The following APP variants were observed in gnomAD, a reference collection of about 807,000 sequenced individuals.
APP encodes the protein amyloid-beta precursor protein.
Under a neutral mutation model 101.4 loss-of-function variants are expected in APP, and 31 were observed. The ratio of observed to expected loss-of-function variants is 0.31; its 90% CI spans 0.23 to 0.41. The LOEUF (loss-of-function observed/expected upper bound fraction) is 0.41. APP is among the 10% of genes least tolerant of loss of function. The pLI is 1.00. For synonymous variants in APP, 366 were observed against 364.4 expected (o/e 1.00, Z -0.05); for missense variants, 839 against 1,003.7 (o/e 0.84, Z 2.22).
intron 13 of APP, among the ~76,000 whole-genome samples, chr21:25,942,888 T>C (rs2040637280): frequency 6.6e-6 from 1 of 152,242 alleles, no homozygotes; most frequent in African/African-American, 2.4e-5. Context: ...CGGCCATCCA[T>C]CTTCCCCACT....
At chr21:26,040,254 T>C (rs1217305148) in intron 5 of APP, among the ~76,000 whole-genome samples, 2 of 152,174 alleles carry the variant, frequency 1.3e-5, no homozygotes, top group Admixed American at 1.3e-4. Flanking sequence ...AGATTTTGGA[T>C]TAGGGATGCT....
intron 5 of APP, among the ~76,000 whole-genome samples, chr21:26,044,129 G>C (rs2045499983): frequency 6.6e-6 from 1 of 152,150 alleles, no homozygotes; most frequent in Non-Finnish European, 1.5e-5. Context: ...TGTTCCCAAA[G>C]TACTGCATCA....
intron 13 of APP, among the ~76,000 whole-genome samples, chr21:25,935,652 C>A (rs1300689326): frequency 6.6e-6 from 1 of 151,970 alleles, no homozygotes; most frequent in Non-Finnish European, 1.5e-5. Flanking sequence ...CCAGCCCGAT[C>A]AACATACTGA....
At chr21:26,107,436 G>C (rs1024743162) in intron 2 of APP, among the ~76,000 whole-genome samples, 2 of 152,160 alleles carry the variant, frequency 1.3e-5, no homozygotes, top group Admixed American at 1.3e-4. Context: ...TGACAGACAT[G>C]ATTTTACCAT....
intron 6 of APP, among the ~76,000 whole-genome samples, chr21:26,004,275 C>CTTTTTTTTTTTTTTTT (rs71183538): frequency 1.4e-5 from 1 of 72,794 alleles, no homozygotes; most frequent in Non-Finnish European, 2.4e-5. Context: ...TGTATTAATT[C>CTTTTTTTTTTTTTTTT]TTTTTTTTTT....
chr21:25,924,945 C>T (rs2039820826), intron 13 of APP, among the ~76,000 whole-genome samples: 1 of 152,202 alleles, frequency 6.6e-6, no homozygotes, highest in Non-Finnish European at 1.5e-5. Flanking sequence ...AACTTCTCCA[C>T]AAAATGGAAA....
chr21:26,038,008 T>C (rs1455506217), intron 5 of APP, among the ~76,000 whole-genome samples: 1 of 152,156 alleles, frequency 6.6e-6, no homozygotes, highest in Non-Finnish European at 1.5e-5. Flanking sequence ...CCTAAAAAAG[T>C]ATAGAAGTTT....
intron 13 of APP, among the ~76,000 whole-genome samples, chr21:25,950,065 G>A (rs565689760): frequency 3.3e-5 from 5 of 152,340 alleles, no homozygotes; most frequent in South Asian, 4.1e-4. Context: ...CAATGCCAGA[G>A]GGCTTGGCTC....
intron 9 of APP, among the ~76,000 whole-genome samples, chr21:25,978,056 A>G (rs2042287635): frequency 6.6e-6 from 1 of 152,178 alleles, no homozygotes; most frequent in African/African-American, 2.4e-5. Context: ...CATTTTTTCC[A>G]TTTTACCTCA....
chr21:26,030,154 G>A (rs569518471), intron 5 of APP, among the ~76,000 whole-genome samples: 2 of 152,276 alleles, frequency 1.3e-5, no homozygotes, highest in East Asian at 3.9e-4. Context: ...CATGATATAA[G>A]ACAAATCCAA....
intron 17 of APP, among the ~76,000 whole-genome samples, chr21:25,882,895 T>G (rs771833907): frequency 6.6e-6 from 1 of 152,116 alleles, no homozygotes; most frequent in Admixed American, 6.5e-5. Flanking sequence ...TCCCCCTTGT[T>G]GAGTGTTGCC....
chr21:25,909,697 A>G (rs1254235562), intron 14 of APP, among the ~76,000 whole-genome samples: 1 of 152,202 alleles, frequency 6.6e-6, no homozygotes, highest in Non-Finnish European at 1.5e-5. Context: ...ACAAAATGAG[A>G]TCGGACATTT....
upstream of APP, chr21:26,170,834 C>T: frequency 2.0e-6 from 1 of 505,566 alleles, no homozygotes. Flanking sequence ...CCACCCCGCT[C>T]GGCACCCGAG....
intron 1 of APP, among the ~76,000 whole-genome samples, chr21:26,151,777 T>A (rs1405233792): frequency 1.3e-5 from 2 of 152,180 alleles, no homozygotes; most frequent in South Asian, 2.1e-4. Flanking sequence ...CAACACTCAC[T>A]CACCCATTGC....
At chr21:26,157,554 C>A (rs762521869) in intron 1 of APP, among the ~76,000 whole-genome samples, 1 of 152,064 alleles carries the variant, frequency 6.6e-6, no homozygotes, top group East Asian at 1.9e-4. Flanking sequence ...AGACAAAATC[C>A]CTACTACAAA....
chr21:25,886,050 T>A (rs947361341), intron 17 of APP, among the ~76,000 whole-genome samples: 2 of 152,086 alleles, frequency 1.3e-5, no homozygotes, highest in African/African-American at 4.8e-5. Flanking sequence ...TACAAGGGAC[T>A]GAGTCAGGCC....
At chr21:26,105,068 C>CAAAA (rs10579923) in intron 2 of APP, among the ~76,000 whole-genome samples, 26 of 110,464 alleles carry the variant, frequency 2.4e-4, no homozygotes, top group African/African-American at 9.0e-4. Context: ...GCATTTTTTT[C>CAAAA]AAAAAAAAAA....
intron 2 of APP, among the ~76,000 whole-genome samples, chr21:26,094,166 T>G (rs186506942): frequency 6.6e-6 from 1 of 152,126 alleles, no homozygotes; most frequent in African/African-American, 2.4e-5. Context: ...CATAGTTTTT[T>G]CCTACTGTCC....
At chr21:26,143,751 C>A (rs577688401) in intron 1 of APP, among the ~76,000 whole-genome samples, 1 of 152,168 alleles carries the variant, frequency 6.6e-6, no homozygotes, top group Non-Finnish European at 1.5e-5. Context: ...ACTCTTGTTT[C>A]CATGAGTTTG....
Sources: gnomAD v4.1 joint callset for allele counts (sites outside exome capture counted in the v4.1 genomes callset) on GRCh38, gnomAD v4.1.1 for gene constraint, MANE v1.5 for transcripts, NCBI Gene and HGNC (gene_info 2026-07-23, HGNC 2026-07-21) for gene names.